Variants in RPTOR observed in about 807,000 individuals in gnomAD.
RPTOR encodes the protein regulatory-associated protein of mTOR.
A neutral mutation model predicts 169.9 loss-of-function variants in RPTOR; 21 were observed. The ratio of observed to expected loss-of-function variants is 0.12; its 90% CI spans 0.09 to 0.18. RPTOR has a LOEUF of 0.18. Among genes scored for constraint, RPTOR ranks in the 10% least tolerant of loss-of-function variants. The pLI, the probability that RPTOR is intolerant of heterozygous loss-of-function variation, is 1.00. For missense variants in RPTOR, 1,133 were observed against 1,855.9 expected (o/e 0.61, Z 7.16); for synonymous variants, 732 against 753.2 (o/e 0.97, Z 0.46).
At chr17:80,771,309 C>T (rs952298500) in intron 6 of RPTOR, among the ~76,000 whole-genome samples, 8 of 152,156 alleles carry the variant, frequency 5.3e-5, no homozygotes, top group Non-Finnish European at 1.5e-5. Flanking sequence ...TGAGATAATC[C>T]CTCCTTCCTC....
chr17:80,784,015 C>T (rs1388988469), intron 6 of RPTOR, among the ~76,000 whole-genome samples: 2 of 152,156 alleles, frequency 1.3e-5, no homozygotes, highest in East Asian at 3.8e-4. Flanking sequence ...ATCTCACTGT[C>T]ACCCAGGCTA....
chr17:80,882,957 A>G (rs1467047577), intron 14 of RPTOR, among the ~76,000 whole-genome samples: 2 of 152,234 alleles, frequency 1.3e-5, no homozygotes, highest in African/African-American at 4.8e-5. Context: ...CACAGAGGAA[A>G]GGACAGAATG....
chr17:80,697,803 C>T (rs980678602), intron 3 of RPTOR, among the ~76,000 whole-genome samples: 2 of 152,038 alleles, frequency 1.3e-5, no homozygotes, highest in African/African-American at 4.8e-5. Context: ...GACTGCTGTG[C>T]GTTAAGGAGG....
chr17:80,906,268 G>C (rs958632723), intron 20 of RPTOR, among the ~76,000 whole-genome samples: 1 of 152,144 alleles, frequency 6.6e-6, no homozygotes, highest in Admixed American at 6.5e-5. Context: ...GCACGGAGCA[G>C]TTCCTAGGAG....
rs1344363586 is a variant in RPTOR, at chr17:80,746,291, C to G, written c.655-7719C>G. ...GATCCCCACCGCCCCCACAGCGGTG[C>G]TTTCTGCGGGTGATCCCCACCGCCC... On this transcript the variant is annotated intron_variant, in intron 5 of 33. Coordinates refer to ENST00000306801, the MANE Select transcript of RPTOR (RefSeq NM_020761.3). This position sits in a 1 kb window ranked among gnomAD's most constrained non-coding sequence, Gnocchi z 4.5. Among the ~76,000 whole-genome samples the G allele has an allele frequency of 1.5e-5, 2 of 132,726 alleles. No homozygotes were observed. The highest frequency in any genetic ancestry group is 5.2e-5 in the African/African-American group (2 of 38,488). 87.1% of individuals were successfully genotyped at this position (132,726 alleles called of 152,430 possible).
intron 14 of RPTOR, 127 bp from the exon 15 acceptor site, chr17:80,883,292 C>T: frequency 2.5e-6 from 2 of 814,206 alleles, no homozygotes; most frequent in Non-Finnish European, 4.2e-6. Flanking sequence ...AGGAGTAAAG[C>T]TGGCTCTCGT....
At chr17:80,582,671 G>A (rs1055624732) in intron 1 of RPTOR, among the ~76,000 whole-genome samples, 3 of 147,972 alleles carry the variant, frequency 2.0e-5, no homozygotes, top group African/African-American at 7.5e-5. Context: ...TCAGCCTCCC[G>A]AGTAGTTGGG....
rs140688219 is a variant in RPTOR, at chr17:80,904,730, C to T, written c.2402-4081C>T. On this transcript the variant is annotated intron_variant, in intron 20 of 33. Transcript: ENST00000306801. ...CTCGAATCCGATGGGAAGTTCTCTG[C>T]GGTCTGTTTTGGGGACTGGCAGATT... Among the ~76,000 whole-genome samples, 45 of 152,222 alleles carry T rather than the reference C, an allele frequency of 3.0e-4. 1 individual carries two copies. The East Asian group carries it at 6.7e-3, about 23-fold the overall frequency.
At position 80,960,010 on chromosome 17, in the gene RPTOR, G is replaced by A. The variant is rs575394100; in HGVS notation, c.3478-68G>A. The A allele has an allele frequency of 3.2e-5, 51 of 1,592,188 alleles. No homozygotes were observed. The African/African-American group carries it at 5.0e-4, about 15-fold the overall frequency. Reference sequence around the variant, plus strand: ...GGCAGGCAGCAAGAGGGGTCCTGGCGCTGCAGGACAGCAGGGAGGGTGGCT... The same window carrying A: ...GGCAGGCAGCAAGAGGGGTCCTGGCACTGCAGGACAGCAGGGAGGGTGGCT... On this transcript the variant is annotated intron_variant, in intron 29 of 33. Coordinates refer to ENST00000306801, the MANE Select transcript of RPTOR (RefSeq NM_020761.3). This position sits in a 1 kb window ranked among gnomAD's most constrained non-coding sequence, Gnocchi z 4.8.
chr17:80,794,746 A>G (rs1359290800), intron 7 of RPTOR, among the ~76,000 whole-genome samples: 1 of 152,252 alleles, frequency 6.6e-6, no homozygotes, highest in East Asian at 1.9e-4. Flanking sequence ...CAGGCTTTCT[A>G]TATACACCGC....
At chr17:80,914,794 T>A (rs1183235261) in intron 21 of RPTOR, among the ~76,000 whole-genome samples, 1 of 152,210 alleles carries the variant, frequency 6.6e-6, no homozygotes, top group Non-Finnish European at 1.5e-5. Context: ...ACAATCAGCC[T>A]GGGTGTTATG....
At chr17:80,893,936 C>T in intron 20 of RPTOR, 71 bp downstream of exon 20, 4 of 1,385,860 alleles carry the variant, frequency 2.9e-6, no homozygotes, top group Non-Finnish European at 3.8e-6. Context: ...GCAGCACAGA[C>T]CTGTGTCTGC....
At chr17:80,606,197 A>G (rs2065227686) in intron 1 of RPTOR, among the ~76,000 whole-genome samples, 1 of 151,756 alleles carries the variant, frequency 6.6e-6, no homozygotes, top group Non-Finnish European at 1.5e-5. Context: ...TTTTCAGTAG[A>G]GACGGGGTTT....
chr17:80,600,917 G>A (rs7209768), intron 1 of RPTOR, among the ~76,000 whole-genome samples: 6 of 73,872 alleles, frequency 8.1e-5, no homozygotes, highest in South Asian at 3.9e-4. Flanking sequence ...CCGCAGCAGC[G>A]TCTCCCGCCG....
In RPTOR at chr17:80,936,226, G is replaced by A. The variant is rs934930309; in HGVS notation, c.2920-4270G>A. Among the ~76,000 whole-genome samples, 1 of 152,222 alleles carries A rather than the reference G, an allele frequency of 6.6e-6. No homozygotes were observed. Among genetic ancestry groups the A allele is most frequent in the Admixed American group, 6.5e-5 (1 of 15,284 alleles). ...ACCAAGTGTTGGCAAGGGACACGGA[G>A]CATCTGAAACCCTCATTCTTGGCTA... is the stretch of plus-strand genomic sequence containing the variant. On this transcript the variant is annotated intron_variant, in intron 24 of 33. Coordinates refer to ENST00000306801, the MANE Select transcript of RPTOR (RefSeq NM_020761.3). This position sits in a 1 kb window ranked among gnomAD's most constrained non-coding sequence, Gnocchi z 4.1.
chr17:80,923,356 C>G, intron 22 of RPTOR, 134 bp from the exon 23 acceptor site: 1 of 924,810 alleles, frequency 1.1e-6, no homozygotes, highest in Non-Finnish European at 1.7e-6. Context: ...TGATGGCATG[C>G]TGGGTGACTG....
At chr17:80,642,189 T>A (rs989230276) in intron 2 of RPTOR, among the ~76,000 whole-genome samples, 2 of 151,630 alleles carry the variant, frequency 1.3e-5, no homozygotes, top group African/African-American at 2.4e-5. Context: ...CAGGCTGGAG[T>A]GCAGTGGCGT....
At chr17:80,792,685 T>TA (rs374802790) in intron 7 of RPTOR, among the ~76,000 whole-genome samples, 8 of 150,182 alleles carry the variant, frequency 5.3e-5, no homozygotes, top group South Asian at 4.2e-4. Flanking sequence ...AAAATAACTT[T>TA]AAAAAAAAAA....
At chr17:80,755,018 C>A (rs1045364203) in intron 6 of RPTOR, among the ~76,000 whole-genome samples, 1 of 152,166 alleles carries the variant, frequency 6.6e-6, no homozygotes, top group Admixed American at 6.5e-5. Flanking sequence ...TGGGCGGACA[C>A]GGGGAGCTAA....
Sources: gnomAD v4.1 joint callset for allele counts (sites outside exome capture counted in the v4.1 genomes callset) on GRCh38, gnomAD v4.1.1 for gene constraint, Gnocchi (gnomAD v3.1) non-coding constraint, MANE v1.5 for transcripts, NCBI Gene and HGNC (gene_info 2026-07-23, HGNC 2026-07-21) for gene names.